Variants in CNTN3 observed in about 807,000 individuals in gnomAD.
CNTN3 encodes the protein contactin-3.
In CNTN3, 60 loss-of-function variants were observed where a neutral mutation model predicts 119.1. The observed-to-expected ratio is 0.50, with a 90% CI of 0.41 to 0.62. The LOEUF (loss-of-function observed/expected upper bound fraction) is 0.62. Among genes scored for constraint, CNTN3 ranks in the 20% least tolerant of loss-of-function variants. The pLI, the probability that CNTN3 is intolerant of heterozygous loss-of-function variation, is 0.00. For missense variants in CNTN3, 1,101 were observed against 1,242.4 expected, an observed-to-expected ratio of 0.89 and a Z score of 1.71; for synonymous variants, 450 against 438.7, an observed-to-expected ratio of 1.03 and a Z score of -0.32.
Position 74,461,777 on chromosome 3 carries a change from G to A in CNTN3, c.358+24679C>T, listed in dbSNP as rs373537376. The stretch of plus-strand genomic sequence containing the variant: ...ATAGACACTAGTGTTAAATAAGTAG[G>A]ATATTTCAATGGGATGATTTTATAA... On this transcript the variant is annotated intron_variant, in intron 4 of 22. Coordinates refer to ENST00000263665, the MANE Select transcript of CNTN3 (RefSeq NM_020872.3). 2.6e-5 allele frequency among the ~76,000 whole-genome samples: 4 copies of A among 152,194 alleles called. No homozygotes were observed. The East Asian group carries it at 7.8e-4, about 29-fold the overall frequency.
At chr3:74,330,498 C>T (rs952471292) in intron 13 of CNTN3, among the ~76,000 whole-genome samples, 5 of 152,116 alleles carry the variant, frequency 3.3e-5, no homozygotes, top group African/African-American at 1.2e-4. Flanking sequence ...CTAGCACATA[C>T]AATTATGTAC....
chr3:74,409,855 G>T (rs1423662562), intron 5 of CNTN3, among the ~76,000 whole-genome samples: 1 of 151,992 alleles, frequency 6.6e-6, no homozygotes, highest in Non-Finnish European at 1.5e-5. Flanking sequence ...TGCCTTCATT[G>T]CATTATGATT....
intron 1 of CNTN3, among the ~76,000 whole-genome samples, chr3:74,522,670 C>A (rs1703560082): frequency 6.6e-6 from 1 of 151,660 alleles, no homozygotes; most frequent in Non-Finnish European, 1.5e-5. Context: ...AAGAGTCATC[C>A]CTGAGTTATT....
chr3:74,609,925 A>G (rs1705052507), intron 1 of CNTN3, among the ~76,000 whole-genome samples: 1 of 152,212 alleles, frequency 6.6e-6, no homozygotes, highest in African/African-American at 2.4e-5. Context: ...ATGAACAGAA[A>G]GAGCCTATCA....
At chr3:74,549,306 G>T (rs926938984) in intron 1 of CNTN3, among the ~76,000 whole-genome samples, 1 of 152,150 alleles carries the variant, frequency 6.6e-6, no homozygotes, top group Non-Finnish European at 1.5e-5. Context: ...CGTCACGATT[G>T]TAAGTTTCCT....
At chr3:74,326,168 A>T (rs12494407) in intron 13 of CNTN3, among the ~76,000 whole-genome samples, 1,653 of 152,062 alleles carry the variant, frequency 0.011, 14 homozygotes, top group Middle Eastern at 0.021. Flanking sequence ...TCTCTGGCCA[A>T]ATTTAGAGAG....
At chr3:74,534,328 T>C (rs1290270092) in intron 1 of CNTN3, among the ~76,000 whole-genome samples, 1 of 152,080 alleles carries the variant, frequency 6.6e-6, no homozygotes, top group African/African-American at 2.4e-5. Context: ...ACAGCGCCAC[T>C]CACCCTCTCA....
chr3:74,355,829 T>G (rs1387643180), intron 11 of CNTN3, among the ~76,000 whole-genome samples: 5 of 152,036 alleles, frequency 3.3e-5, no homozygotes. Flanking sequence ...TCCCAGTGCT[T>G]GTGGAATAAA....
At chr3:74,441,811 T>C (rs1701970961) in intron 4 of CNTN3, among the ~76,000 whole-genome samples, 1 of 152,198 alleles carries the variant, frequency 6.6e-6, no homozygotes, top group Non-Finnish European at 1.5e-5. Context: ...ATCAATCCTA[T>C]GTATAAAATC....
intron 1 of CNTN3, among the ~76,000 whole-genome samples, chr3:74,539,763 G>A (rs970610202): frequency 1.3e-5 from 2 of 152,100 alleles, no homozygotes; most frequent in Non-Finnish European, 2.9e-5. Flanking sequence ...TAGAGTGGGT[G>A]GGTAAAGAAC....
Position 74,486,493 on chromosome 3 carries a change from T to C in CNTN3, c.321A>G (p.Gly107=). Residue 107 remains glycine (G), a synonymous_variant, in exon 4 of 23, where the codon GGA becomes GGG. Coordinates refer to ENST00000263665, the MANE Select transcript of CNTN3 (RefSeq NM_020872.3). The part of the protein sequence containing the change: ...TYQCFATNSL[G]TIVSREAKLQ... ...GTTTGGCTTCTCTGCTGACAATTGT[T>C]CCAAGTGAATTTGTTGCAAAACATT... The C allele has an allele frequency of 1.2e-6, 2 of 1,607,236 alleles. No individual in the cohort carries two copies. Among genetic ancestry groups the C allele is most frequent in the Non-Finnish European group, 1.7e-6 (2 of 1,178,524 alleles).
intron 1 of CNTN3, among the ~76,000 whole-genome samples, chr3:74,521,994 G>A (rs906944255): frequency 4.6e-5 from 7 of 151,822 alleles, no homozygotes; most frequent in East Asian, 2.0e-4. Context: ...AGTAAGGAAC[G>A]GGTACAACTC....
chr3:74,491,221 C>T (rs1227998524), intron 3 of CNTN3, among the ~76,000 whole-genome samples: 1 of 152,028 alleles, frequency 6.6e-6, no homozygotes, highest in African/African-American at 2.4e-5. Flanking sequence ...ATAATAAGGG[C>T]CAGGCACAGT....
intron 11 of CNTN3, among the ~76,000 whole-genome samples, chr3:74,357,289 T>A (rs1439136593): frequency 6.6e-6 from 1 of 150,406 alleles, no homozygotes; most frequent in Non-Finnish European, 1.5e-5. Flanking sequence ...CCAATTATTA[T>A]TATTTTTTTA....
chr3:74,280,020 T>C (rs985562681), intron 20 of CNTN3, among the ~76,000 whole-genome samples: 6 of 152,186 alleles, frequency 3.9e-5, no homozygotes, highest in African/African-American at 1.4e-4. Flanking sequence ...TTTAATTATA[T>C]TGTTTGCAAT....
At chr3:74,447,114 C>A (rs1049858041) in intron 4 of CNTN3, among the ~76,000 whole-genome samples, 2 of 152,034 alleles carry the variant, frequency 1.3e-5, no homozygotes, top group Non-Finnish European at 2.9e-5. Flanking sequence ...TATAAAGAAG[C>A]CAAAAAGAAT....
At chr3:74,275,500 T>G (rs1009060249) in intron 20 of CNTN3, among the ~76,000 whole-genome samples, 9 of 152,170 alleles carry the variant, frequency 5.9e-5, no homozygotes, top group Non-Finnish European at 8.8e-5. Context: ...ATCTTCAGCC[T>G]CCTCAAACAA....
intron 1 of CNTN3, among the ~76,000 whole-genome samples, chr3:74,532,827 C>T (rs1281850949): frequency 1.3e-5 from 2 of 151,924 alleles, no homozygotes; most frequent in Non-Finnish European, 2.9e-5. Context: ...GGGGGGACTA[C>T]TGTATTCATA....
At chr3:74,530,177 ATATAAT>A (rs1217321179) in intron 1 of CNTN3, among the ~76,000 whole-genome samples, 1 of 152,092 alleles carries the variant, frequency 6.6e-6, no homozygotes, top group East Asian at 1.9e-4. Context: ...CTGACCATAA[ATATAAT>A]TATACTACAT....
Sources: allele counts gnomAD v4.1 joint callset (sites outside exome capture counted in the v4.1 genomes callset), GRCh38; gene constraint gnomAD v4.1.1; transcripts MANE v1.5; gene names NCBI Gene and HGNC (gene_info 2026-07-23, HGNC 2026-07-21).